The following TAFA4 variants were observed in gnomAD, a reference collection of about 807,000 sequenced individuals.
TAFA4 encodes the protein chemokine-like protein TAFA-4.
TAFA4 carries 20 observed loss-of-function variants against 21.1 expected under a neutral mutation model. That is an observed-to-expected ratio of 0.95 (90% CI 0.67 to 1.38). The LOEUF (loss-of-function observed/expected upper bound fraction) is 1.38, where lower values mean the gene tolerates loss of function less well. Among genes scored for constraint, TAFA4 ranks in the 40% most tolerant of loss-of-function variants. TAFA4 has a pLI of 0.00. For synonymous variants in TAFA4, 71 were observed against 67.4 expected (o/e 1.05, Z -0.26); for missense variants, 211 against 180.9 (o/e 1.17, Z -0.95).
At chr3:68,828,797 T>C (rs1421216143) in intron 3 of TAFA4, among the ~76,000 whole-genome samples, 1 of 152,196 alleles carries the variant, frequency 6.6e-6, no homozygotes, top group Non-Finnish European at 1.5e-5. Context: ...TGGGGTTTTC[T>C]AAATATACAA....
Position 68,744,804 on chromosome 3 carries a change from C to G in TAFA4, c.287-5605G>C, listed in dbSNP as rs552291239. ...GGAAACCTGAAAGACCAAGACAGAA[C>G]TCTTATGAGATTATCTACCAGGTTT... On this transcript the variant is annotated intron_variant, in intron 4 of 5. Coordinates refer to ENST00000295569, the MANE Select transcript of TAFA4 (RefSeq NM_182522.5). Among the ~76,000 whole-genome samples, 15 of 152,286 alleles carry G rather than the reference C, an allele frequency of 9.8e-5. No individual in the cohort carries two copies. In the East Asian group the frequency reaches 2.9e-3, roughly 29 times the overall value.
At chr3:68,849,136 C>A (rs1448966047) in intron 3 of TAFA4, among the ~76,000 whole-genome samples, 1 of 152,080 alleles carries the variant, frequency 6.6e-6, no homozygotes, top group East Asian at 1.9e-4. Context: ...AAGATCCTTG[C>A]CTAATAACAC....
At chr3:68,857,827 G>GA (rs200397283) in intron 3 of TAFA4, among the ~76,000 whole-genome samples, 5,069 of 147,970 alleles carry the variant, frequency 0.034, 270 homozygotes, top group African/African-American at 0.11. Context: ...AAAACAAAAA[G>GA]AAAAAAAAAC....
intron 3 of TAFA4, among the ~76,000 whole-genome samples, chr3:68,819,408 C>CTG (rs1704066752): frequency 6.6e-6 from 1 of 151,744 alleles, no homozygotes; most frequent in African/African-American, 2.4e-5. Context: ...TGAGTGAAAG[C>CTG]AGTAAGTGTG....
intron 5 of TAFA4, 59 bp downstream of exon 5, chr3:68,739,016 G>A (rs1702294922): frequency 3.1e-6 from 5 of 1,595,446 alleles, no homozygotes; most frequent in Non-Finnish European, 4.3e-6. Flanking sequence ...TAAAATCAAG[G>A]GGAGAAAGCC....
Position 68,885,197 on chromosome 3 carries a change from G to T in TAFA4, c.-9C>A. On this transcript the variant is annotated 5_prime_UTR_variant, in exon 2 of 6. Transcript: ENST00000295569. ...TACCTTGGGGACCTCATAAGATGTGGTTCTAGTCAAACACACTTATTCCAG... is the reference window on the plus strand; with the variant it reads ...TACCTTGGGGACCTCATAAGATGTGTTTCTAGTCAAACACACTTATTCCAG... 6.2e-7 allele frequency: 1 copy of T among 1,612,240 alleles called. No homozygotes were observed.
intron 4 of TAFA4, among the ~76,000 whole-genome samples, chr3:68,745,240 A>G (rs965382745): frequency 1.3e-5 from 2 of 152,238 alleles, no homozygotes; most frequent in Non-Finnish European, 2.9e-5. Context: ...CCTCACTAGC[A>G]GGGACAAAGG....
chr3:68,777,363 G>C (rs957383227), intron 3 of TAFA4, among the ~76,000 whole-genome samples: 1 of 152,008 alleles, frequency 6.6e-6, no homozygotes, highest in Admixed American at 6.6e-5. Flanking sequence ...ATTCTGTGTA[G>C]ATAAAAATGT....
At chr3:68,806,134 G>T (rs1703693452) in intron 3 of TAFA4, among the ~76,000 whole-genome samples, 1 of 151,980 alleles carries the variant, frequency 6.6e-6, no homozygotes, top group African/African-American at 2.4e-5. Context: ...ATATGCCAAG[G>T]ACTTGGGCAG....
chr3:68,755,712 C>G (rs1702648466), intron 3 of TAFA4, among the ~76,000 whole-genome samples: 1 of 152,198 alleles, frequency 6.6e-6, no homozygotes, highest in African/African-American at 2.4e-5. Flanking sequence ...ATGAGCAGCC[C>G]TACAGCCAGG....
chr3:68,874,814 T>C (rs1365530667), intron 3 of TAFA4, among the ~76,000 whole-genome samples: 1 of 151,822 alleles, frequency 6.6e-6, no homozygotes, highest in African/African-American at 2.4e-5. Context: ...ACACAAAGGA[T>C]GTAAAGCATG....
intron 4 of TAFA4, among the ~76,000 whole-genome samples, chr3:68,751,938 CT>C (rs1210744986): frequency 1.3e-5 from 2 of 152,138 alleles, no homozygotes; most frequent in African/African-American, 4.8e-5. Flanking sequence ...TTTCACTTTC[CT>C]GTTTTAAAGG....
chr3:68,841,095 G>A (rs1197197261), intron 3 of TAFA4, among the ~76,000 whole-genome samples: 2 of 73,174 alleles, frequency 2.7e-5, no homozygotes, highest in African/African-American at 4.3e-5. Context: ...AGGCCGAGGC[G>A]GGCGGATCAC....
intron 1 of TAFA4, among the ~76,000 whole-genome samples, chr3:68,899,115 T>C (rs1266364960): frequency 1.3e-5 from 2 of 152,188 alleles, no homozygotes; most frequent in Non-Finnish European, 2.9e-5. Context: ...CAGCCACATA[T>C]CTACTTTTTC....
chr3:68,860,469 A>G (rs2106922050), intron 3 of TAFA4, among the ~76,000 whole-genome samples: 1 of 152,260 alleles, frequency 6.6e-6, no homozygotes, highest in South Asian at 2.1e-4. Flanking sequence ...TAATAATCTT[A>G]GTTAGGTAGT....
intron 3 of TAFA4, among the ~76,000 whole-genome samples, chr3:68,794,707 G>A (rs371907297): frequency 1.3e-5 from 2 of 152,192 alleles, no homozygotes; most frequent in East Asian, 1.9e-4. Context: ...CATCTCTGTC[G>A]ATCATTTTGG....
At chr3:68,863,051 T>C (rs1187974381) in intron 3 of TAFA4, among the ~76,000 whole-genome samples, 1 of 127,280 alleles carries the variant, frequency 7.9e-6, no homozygotes, top group Non-Finnish European at 1.7e-5. Context: ...CTGGGGAACA[T>C]AGGAAAACCC....
chr3:68,905,646 C>A (rs955063241), intron 1 of TAFA4, among the ~76,000 whole-genome samples: 6 of 151,998 alleles, frequency 3.9e-5, no homozygotes, highest in African/African-American at 1.2e-4. Flanking sequence ...GGAGACAGAC[C>A]AGGGACATGT....
intron 3 of TAFA4, among the ~76,000 whole-genome samples, chr3:68,829,051 T>C (rs1185951471): frequency 1.3e-5 from 2 of 152,074 alleles, no homozygotes; most frequent in Non-Finnish European, 2.9e-5. Flanking sequence ...AAAACTACTT[T>C]AAAGTTCATA....
Sources: allele counts gnomAD v4.1 joint callset (sites outside exome capture counted in the v4.1 genomes callset), GRCh38; gene constraint gnomAD v4.1.1; transcripts MANE v1.5; gene names NCBI Gene and HGNC (gene_info 2026-07-23, HGNC 2026-07-21).